PGLYRP4: variants seen among roughly 807,000 people sequenced by gnomAD.
PGLYRP4 encodes the protein peptidoglycan recognition protein 4.
Under a neutral mutation model 41.2 loss-of-function variants are expected in PGLYRP4, and 39 were observed. The observed-to-expected ratio is 0.95, with a 90% CI of 0.73 to 1.24. The LOEUF (loss-of-function observed/expected upper bound fraction) is 1.24, where lower values mean the gene tolerates loss of function less well. Ranked by LOEUF, PGLYRP4 falls within the 50% of genes most tolerant of loss-of-function variation. PGLYRP4 has a pLI of 0.00. For missense variants in PGLYRP4, 467 were observed against 460.7 expected (o/e 1.01, Z -0.13); for synonymous variants, 202 against 186.8 (o/e 1.08, Z -0.66).
intron 3 of PGLYRP4, 86 bp from the exon 4 acceptor site, chr1:153,345,468 C>A: frequency 8.0e-7 from 1 of 1,243,864 alleles, no homozygotes; most frequent in South Asian, 1.3e-5. Flanking sequence ...TGTGTCGGCC[C>A]CTTGGTAGTG....
intron 8 of PGLYRP4, among the ~76,000 whole-genome samples, chr1:153,331,269 G>T (rs972566073): frequency 2.0e-5 from 3 of 152,160 alleles, no homozygotes; most frequent in African/African-American, 7.2e-5. Context: ...AGATATTTTT[G>T]GTTGTGAAAA....
At chr1:153,335,835 C>G (rs3125234) in intron 8 of PGLYRP4, among the ~76,000 whole-genome samples, 62,481 of 152,040 alleles carry the variant, frequency 0.41, 13,365 homozygotes, top group Non-Finnish European at 0.47. Context: ...ATTAGTACAA[C>G]CTCTATGGAG....
Position 153,343,203 on chromosome 1 carries a change from A to G in PGLYRP4, c.359T>C (p.Leu120Pro). ...NSGCDVAYNF[L>P]VGDDGRVYEG... ...ATACACCCTGCCATCATCCCCAACC[A>G]GGAAGCTATGGAGCAAGATAATACA... Residue 120 changes from leucine (L) to proline (P), a missense_variant, in exon 5 of 9, where the codon CTG becomes CCG. Leu to Pro is a moderately conservative substitution (Grantham distance 98, BLOSUM62 -3). Coordinates refer to ENST00000359650, the MANE Select transcript of PGLYRP4 (RefSeq NM_020393.4). 6.2e-7 allele frequency: 1 copy of G among 1,609,398 alleles called. No homozygotes were observed. The highest frequency in any genetic ancestry group is 8.5e-7 in the Non-Finnish European group (1 of 1,175,742).
intron 7 of PGLYRP4, 138 bp downstream of exon 7, chr1:153,340,243 T>C: frequency 1.4e-6 from 1 of 738,446 alleles, no homozygotes; most frequent in East Asian, 2.7e-5. Context: ...GGTCGTGTGA[T>C]GAATTCATTT....
chr1:153,335,666 A>G (rs1202890055), intron 8 of PGLYRP4, among the ~76,000 whole-genome samples: 2 of 150,470 alleles, frequency 1.3e-5, no homozygotes, highest in East Asian at 3.9e-4. Flanking sequence ...CGGAGGTTGC[A>G]GTGAGCCGAG....
intron 4 of PGLYRP4, among the ~76,000 whole-genome samples, chr1:153,344,456 C>G (rs1010338301): frequency 1.3e-5 from 2 of 152,150 alleles, no homozygotes; most frequent in African/African-American, 4.8e-5. Flanking sequence ...GGCTACACAC[C>G]AAGCCCTGTC....
At chr1:153,337,680 C>T (rs3006444) in intron 7 of PGLYRP4, among the ~76,000 whole-genome samples, 62,537 of 152,084 alleles carry the variant, frequency 0.41, 13,392 homozygotes, top group Non-Finnish European at 0.47. Flanking sequence ...ACTGCGGCCC[C>T]CAGGTAGCTC....
chr1:153,330,910 G>A lies in PGLYRP4; in HGVS notation c.979C>T (p.Gln327Ter), dbSNP rs764359150. Residue 327 changes from glutamine to a stop codon, truncating the protein, a stop_gained, in exon 9 of 9, where the codon CAA becomes TAA. Transcript: ENST00000359650. LOFTEE classifies it high-confidence loss of function. ...PPNAAALEAA[Q>*]DLIQCAMVKG... The stretch of plus-strand genomic sequence containing the variant: ...ACCATGGCACACTGGATCAGGTCTT[G>A]GGCTGCCTCTAGTGCTGCAGCATTG... The A allele has an allele frequency of 1.9e-6, 3 of 1,613,842 alleles. No homozygotes were observed. The highest frequency in any genetic ancestry group is 1.7e-6 in the Non-Finnish European group (2 of 1,179,918).
At chr1:153,343,545 C>T (rs758660153) in intron 4 of PGLYRP4, among the ~76,000 whole-genome samples, 4 of 152,148 alleles carry the variant, frequency 2.6e-5, no homozygotes, top group East Asian at 1.9e-4. Context: ...TTCCTTAAAC[C>T]GGGCTCTCCT....
intron 5 of PGLYRP4, among the ~76,000 whole-genome samples, 177 bp from the exon 6 acceptor site, chr1:153,341,956 C>T (rs1005947005): frequency 4.6e-5 from 7 of 152,138 alleles, no homozygotes; most frequent in Non-Finnish European, 8.8e-5. Context: ...AAAGATCTCT[C>T]AGTGGCTCAA....
At chr1:153,337,485 A>G (rs1557825567) in intron 7 of PGLYRP4, among the ~76,000 whole-genome samples, 186 bp from the exon 8 acceptor site, 1 of 152,192 alleles carries the variant, frequency 6.6e-6, no homozygotes, top group Non-Finnish European at 1.5e-5. Context: ...GCTCAGGGGG[A>G]ATGAGGGAGG....
intron 8 of PGLYRP4, among the ~76,000 whole-genome samples, chr1:153,335,160 CA>C (rs1660502649): frequency 7.9e-6 from 1 of 126,788 alleles, no homozygotes; most frequent in Non-Finnish European, 1.6e-5. Context: ...ACTAAGTCCT[CA>C]AAAGCAAATG....
rs1000583147 is a variant in PGLYRP4 at position 153,345,981 on chromosome 1, A to C, written c.139+121T>G. 8.4e-5 allele frequency: 64 copies of C among 764,286 alleles called. 2 individuals carry two copies. The South Asian group carries it at 9.0e-4, about 11-fold the overall frequency. The allele number at this position is 764,286 out of a possible 1,614,324, so 47.3% of individuals were successfully genotyped here. On this transcript the variant is annotated intron_variant, in intron 3 of 8. Transcript: ENST00000359650. The stretch of plus-strand genomic sequence containing the variant: ...GTGGTTTACTGGTACTGCTCTCTGC[A>C]CTTCAACCCCATTTTCCCCCTCCCA...
At position 153,330,273 on chromosome 1, in the gene PGLYRP4, A is replaced by G. The variant is rs541012995; in HGVS notation, c.*494T>C. On this transcript the variant is annotated 3_prime_UTR_variant, in exon 9 of 9. Transcript: ENST00000359650. ...ACTCACAACCAAGTAGCAAGGATAG[A>G]CATATCTATAAATAATGACAGCCAT... 6.5e-6 allele frequency: 1 copy of G among 153,672 alleles called. No homozygotes were observed. The highest frequency in any genetic ancestry group is 2.0e-4 in the South Asian group (1 of 4,950). The allele number at this position is 153,672 out of a possible 1,614,324, so 9.5% of individuals were successfully genotyped here. A position where few individuals can be genotyped will look rare whatever the true frequency, so the allele number is the denominator to read the frequency against.
intron 8 of PGLYRP4, among the ~76,000 whole-genome samples, chr1:153,332,272 C>G (rs536675226): frequency 6.6e-6 from 1 of 151,996 alleles, no homozygotes; most frequent in Non-Finnish European, 1.5e-5. Context: ...CTATAACAAT[C>G]CTAAATATAT....
intron 5 of PGLYRP4, among the ~76,000 whole-genome samples, chr1:153,342,707 G>T (rs918825962): frequency 2.3e-4 from 35 of 152,120 alleles, no homozygotes; most frequent in African/African-American, 8.2e-4. Context: ...TGCCTGGCAG[G>T]AACTTGGAAA....
chr1:153,341,607 G>C lies in PGLYRP4; in HGVS notation c.625+20C>G. The C allele has an allele frequency of 6.2e-7, 1 of 1,601,862 alleles. No individual in the cohort carries two copies. Among genetic ancestry groups the C allele is most frequent in the South Asian group, 1.1e-5 (1 of 89,474 alleles). On this transcript the variant is annotated intron_variant, in intron 6 of 8. Coordinates refer to ENST00000359650, the MANE Select transcript of PGLYRP4 (RefSeq NM_020393.4). ...GGTGAGCCCAGTGGCAGGCCCAGTA[G>C]GGCTGAAGAAAGGTCTTACCCTTCT...
chr1:153,348,042 G>A, intron 1 of PGLYRP4, 64 bp from the exon 2 acceptor site: 1 of 869,172 alleles, frequency 1.2e-6, no homozygotes, highest in Non-Finnish European at 1.8e-6. Flanking sequence ...CCCAAACCCT[G>A]ACTGCAGTGG....
intron 4 of PGLYRP4, among the ~76,000 whole-genome samples, chr1:153,343,624 G>T (rs11205273): frequency 6.6e-6 from 1 of 152,000 alleles, no homozygotes; most frequent in Non-Finnish European, 1.5e-5. Flanking sequence ...TCCCTGTCAC[G>T]TAACTGTCCT....
Sources: gnomAD v4.1 joint callset for allele counts (sites outside exome capture counted in the v4.1 genomes callset) on GRCh38, gnomAD v4.1.1 for gene constraint, MANE v1.5 for transcripts, NCBI Gene and HGNC (gene_info 2026-07-23, HGNC 2026-07-21) for gene names.